CADPS2: variants seen among roughly 807,000 people sequenced by gnomAD.
CADPS2 encodes the protein calcium dependent secretion activator 2.
In CADPS2, 93 loss-of-function variants were observed where a neutral mutation model predicts 172.5. That is an observed-to-expected ratio of 0.54 (90% confidence interval 0.46 to 0.64). The LOEUF is 0.64. CADPS2 is among the 30% of genes least tolerant of loss of function. The pLI is 0.00. For synonymous variants in CADPS2, 546 were observed against 555.2 expected (o/e 0.98, Z 0.23); for missense variants, 1,420 against 1,565.9 (o/e 0.91, Z 1.57).
At chr7:122,325,636 T>G in intron 28 of CADPS2, 55 bp from the exon 29 acceptor site, 2 of 1,071,332 alleles carry the variant, frequency 1.9e-6, no homozygotes, top group Non-Finnish European at 2.8e-6. Flanking sequence ...AAACAACCTC[T>G]GCAGTATTCA....
At chr7:122,878,374 C>T (rs1190431438) in intron 1 of CADPS2, among the ~76,000 whole-genome samples, 1 of 151,248 alleles carries the variant, frequency 6.6e-6, no homozygotes, top group Non-Finnish European at 1.5e-5. Context: ...TGTTGTCGGC[C>T]GGGCGCGGTG....
chr7:122,721,535 A>G (rs1470072022), intron 2 of CADPS2, among the ~76,000 whole-genome samples: 2 of 152,140 alleles, frequency 1.3e-5, no homozygotes, highest in Non-Finnish European at 2.9e-5. Context: ...TCTGAAATTG[A>G]GGCAATAATT....
chr7:122,833,381 C>T (rs1030617228), intron 1 of CADPS2, among the ~76,000 whole-genome samples: 4 of 152,036 alleles, frequency 2.6e-5, no homozygotes, highest in African/African-American at 7.2e-5. Flanking sequence ...GATGGAGTCT[C>T]GCTCTGTTGC....
chr7:122,847,608 T>C (rs1449343257), intron 1 of CADPS2, among the ~76,000 whole-genome samples: 3 of 152,080 alleles, frequency 2.0e-5, no homozygotes, highest in Non-Finnish European at 2.9e-5. Flanking sequence ...TTTTTTTTTT[T>C]CTTGTCATCA....
At chr7:122,718,161 T>C (rs887042303) in intron 2 of CADPS2, among the ~76,000 whole-genome samples, 3 of 151,840 alleles carry the variant, frequency 2.0e-5, no homozygotes, top group African/African-American at 7.3e-5. Context: ...AAAACACATT[T>C]AGAGTTTACT....
intron 6 of CADPS2, among the ~76,000 whole-genome samples, chr7:122,596,987 G>A (rs1355489872): frequency 1.3e-5 from 2 of 152,052 alleles, no homozygotes; most frequent in Non-Finnish European, 2.9e-5. Flanking sequence ...GGCATGTGCA[G>A]AGATTACCTG....
At chr7:122,510,685 G>A (rs10235626) in intron 9 of CADPS2, among the ~76,000 whole-genome samples, 8,197 of 152,192 alleles carry the variant, frequency 0.054, 285 homozygotes, top group African/African-American at 0.057. Context: ...TGTCCTCCCT[G>A]TGAAAACGAT....
In CADPS2 at chr7:122,407,576, G is replaced by A. The variant is rs776600835; in HGVS notation, c.2710C>T (p.Leu904Phe). ...AGGAAATTATTAAGCAGTTGGAAAA[G>A]AGGAAAACTATCCCAGGAGTCTTGC... ...QPQDSWDSFP[L>F]FQLLNNFLRN... The change falls in exon 20 of 30, where the codon CTT becomes TTT. Residue 904 changes from leucine (L) to phenylalanine (F), a missense_variant. Coordinates refer to ENST00000449022, the MANE Select transcript of CADPS2 (RefSeq NM_017954.11). 1.2e-6 allele frequency: 2 copies of A among 1,612,254 alleles called. No individual in the cohort carries two copies. Among genetic ancestry groups the A allele is most frequent in the Non-Finnish European group, 1.7e-6 (2 of 1,179,184 alleles).
At chr7:122,565,828 G>T (rs375327971) in intron 7 of CADPS2, among the ~76,000 whole-genome samples, 4 of 152,070 alleles carry the variant, frequency 2.6e-5, no homozygotes, top group African/African-American at 9.7e-5. Context: ...ATTTTCAAGC[G>T]TATAATTCAT....
intron 1 of CADPS2, among the ~76,000 whole-genome samples, chr7:122,754,417 A>G (rs2093073628): frequency 6.6e-6 from 1 of 152,334 alleles, no homozygotes; most frequent in South Asian, 2.1e-4. Context: ...ATGACTTACT[A>G]AAAGGCCTTG....
In CADPS2 at chr7:122,474,411, A is replaced by T. The variant is rs769634868; in HGVS notation, c.1968T>A (p.Asp656Glu). 6.8e-6 allele frequency: 11 copies of T among 1,613,396 alleles called. No individual in the cohort carries two copies. In the Admixed American group the frequency reaches 1.7e-4, roughly 24 times the overall value. ...LFRILQRQTLDHRLNDSYSCL... is the reference protein window; with the variant it reads ...LFRILQRQTLEHRLNDSYSCL... ...AAGAATAGGAATCATTCAGTCTGTG[A>T]TCCAAAGTCTGCCTCTGGAGTATTC... The change falls in exon 13 of 30, where the codon GAT becomes GAA. Residue 656 changes from aspartate to glutamate, a missense_variant. Coordinates refer to ENST00000449022, the MANE Select transcript of CADPS2 (RefSeq NM_017954.11).
intron 1 of CADPS2, among the ~76,000 whole-genome samples, chr7:122,737,544 A>T (rs934854990): frequency 1.3e-5 from 2 of 152,100 alleles, no homozygotes; most frequent in Admixed American, 1.3e-4. Flanking sequence ...TTTCCAAGCC[A>T]TTTCATGTAC....
chr7:122,738,617 G>A (rs1425481810), intron 1 of CADPS2, among the ~76,000 whole-genome samples: 1 of 152,110 alleles, frequency 6.6e-6, no homozygotes. Flanking sequence ...TAAAGGATTA[G>A]GAAGACTAAA....
chr7:122,640,490 CAG>C (rs200620103), intron 3 of CADPS2, among the ~76,000 whole-genome samples: 25,551 of 145,906 alleles, frequency 0.18, 2,734 homozygotes, highest in Middle Eastern at 0.28. Flanking sequence ...CACACACACA[CAG>C]AGATAGAGAG....
rs536146536 is a variant in CADPS2 at position 122,776,652 on chromosome 7, C to T, written c.340-39584G>A. 2.0e-5 allele frequency among the ~76,000 whole-genome samples: 3 copies of T among 151,832 alleles called. No homozygotes were observed. In the East Asian group the frequency reaches 5.8e-4, roughly 30 times the overall value. On this transcript the variant is annotated intron_variant, in intron 1 of 29. Transcript: ENST00000449022. ...GAACTTCCTAGAGACTTAGAGTGCT[C>T]AGAAGACAGGAAGATGTGGGAAAGT...
intron 6 of CADPS2, among the ~76,000 whole-genome samples, chr7:122,601,279 A>T (rs1007063344): frequency 5.3e-5 from 8 of 152,108 alleles, no homozygotes; most frequent in African/African-American, 1.7e-4. Flanking sequence ...ATCTGCCAGC[A>T]AAGCTATATT....
At chr7:122,825,978 C>T (rs193148464) in intron 1 of CADPS2, among the ~76,000 whole-genome samples, 1 of 152,160 alleles carries the variant, frequency 6.6e-6, no homozygotes, top group Non-Finnish European at 1.5e-5. Context: ...TAGCAAGCTA[C>T]AACTATGGTG....
At chr7:122,342,185 T>C (rs2036877093) in intron 28 of CADPS2, among the ~76,000 whole-genome samples, 1 of 152,172 alleles carries the variant, frequency 6.6e-6, no homozygotes, top group Non-Finnish European at 1.5e-5. Context: ...AATGACTTAT[T>C]ATTGGAGATG....
intron 8 of CADPS2, among the ~76,000 whole-genome samples, chr7:122,551,196 A>AT (rs1203731599): frequency 6.6e-6 from 1 of 152,000 alleles, no homozygotes; most frequent in African/African-American, 2.4e-5. Context: ...TATTTTAGGC[A>AT]TTTTTTTACA....
Sources: gnomAD v4.1 joint callset for allele counts (sites outside exome capture counted in the v4.1 genomes callset) on GRCh38, gnomAD v4.1.1 for gene constraint, MANE v1.5 for transcripts, NCBI Gene and HGNC (gene_info 2026-07-23, HGNC 2026-07-21) for gene names.